The following RAB11FIP2 variants were observed in gnomAD, a reference collection of about 807,000 sequenced individuals.
RAB11FIP2 encodes rab11 family-interacting protein 2.
Under a neutral mutation model 40.9 loss-of-function variants are expected in RAB11FIP2, and 16 were observed. The ratio of observed to expected loss-of-function variants is 0.39; its 90% CI spans 0.26 to 0.59. RAB11FIP2 has a LOEUF of 0.59. Among genes scored for constraint, RAB11FIP2 ranks in the 20% least tolerant of loss-of-function variants. RAB11FIP2 has a pLI of 0.53. For synonymous variants in RAB11FIP2, 228 were observed against 213.7 expected, an observed-to-expected ratio of 1.07 and a Z score of -0.58; for missense variants, 532 against 606.2, an observed-to-expected ratio of 0.88 and a Z score of 1.28.
In RAB11FIP2 at chr10:118,039,089, G is replaced by A. The variant is rs749808592; in HGVS notation, c.1148C>T (p.Pro383Leu). ...DKLNNGGSDS[P>L]CDLKSPNAFS... ...TGCATTAGGTGATTTCAAGTCACAAGGGCTATCAGATCCCCCATTGTTAAG... is the reference window on the plus strand; with the variant it reads ...TGCATTAGGTGATTTCAAGTCACAAAGGCTATCAGATCCCCCATTGTTAAG... The change falls in exon 3 of 5, where the codon CCT becomes CTT. Residue 383 changes from proline to leucine, a missense_variant. Coordinates refer to ENST00000355624, the MANE Select transcript of RAB11FIP2 (RefSeq NM_014904.3). 1 of 1,613,606 alleles carries A rather than the reference G, an allele frequency of 6.2e-7. No homozygotes were observed. Among genetic ancestry groups the A allele is most frequent in the South Asian group, 1.1e-5 (1 of 91,050 alleles).
At chr10:118,036,505 C>T (rs868258033) in intron 3 of RAB11FIP2, among the ~76,000 whole-genome samples, 4 of 152,230 alleles carry the variant, frequency 2.6e-5, no homozygotes, top group Middle Eastern at 6.8e-3. Flanking sequence ...TGGCAATATC[C>T]TCCCAAATTC....
In RAB11FIP2 at chr10:118,046,349, C is replaced by A; in HGVS notation, c.-186G>T. 1.7e-6 allele frequency: 1 copy of A among 593,664 alleles called. No individual in the cohort carries two copies. Among genetic ancestry groups the A allele is most frequent in the South Asian group, 2.1e-5 (1 of 46,848 alleles). The allele number at this position is 593,664 out of a possible 1,614,324, so 36.8% of individuals were successfully genotyped here. On this transcript the variant is annotated 5_prime_UTR_variant, in exon 1 of 5. It introduces an in-frame stop codon into an upstream open reading frame of the 5' UTR. Coordinates refer to ENST00000355624, the MANE Select transcript of RAB11FIP2 (RefSeq NM_014904.3). ...GGGGCAGCCCAGGGGCACGGCCGCT[C>A]CGGGGGTCCCCTTTCGTCTGGAGAA...
At position 118,009,148 on chromosome 10, in the gene RAB11FIP2, G is replaced by T. The variant is rs1198351313; in HGVS notation, c.1389C>A (p.His463Gln). 1 of 1,613,432 alleles carries T rather than the reference G, an allele frequency of 6.2e-7. No individual in the cohort carries two copies. The highest frequency in any genetic ancestry group is 2.2e-5 in the East Asian group (1 of 44,876). ...YEEVLQELVK[H>Q]KELLRRKDTH... ...TGTCTTTCCTCCTAAGGAGTTCTTTGTGTTTCACCAGCTCCTGTAGAACCT... is the reference window on the plus strand; with the variant it reads ...TGTCTTTCCTCCTAAGGAGTTCTTTTTGTTTCACCAGCTCCTGTAGAACCT... Residue 463 changes from histidine (H) to glutamine (Q), a missense_variant, in exon 5 of 5, where the codon CAC becomes CAA. By Grantham distance (24) the His-to-Gln change is conservative (BLOSUM62 0). Coordinates refer to ENST00000355624, the MANE Select transcript of RAB11FIP2 (RefSeq NM_014904.3).
chr10:118,036,865 T>C (rs1222103126), intron 3 of RAB11FIP2, among the ~76,000 whole-genome samples: 1 of 152,096 alleles, frequency 6.6e-6, no homozygotes, highest in Non-Finnish European at 1.5e-5. Context: ...AGCCTGGATG[T>C]GTCAAAATGC....
At position 118,032,409 on chromosome 10, in the gene RAB11FIP2, G is replaced by A. The variant is rs114412741; in HGVS notation, c.1265+6563C>T. 5.8e-3 allele frequency among the ~76,000 whole-genome samples: 861 copies of A among 149,074 alleles called. 8 individuals carry two copies. The highest frequency in any genetic ancestry group is 0.02 in the African/African-American group (822 of 41,254). ...GTGTGTGTGTGCATTAGGTGCGTGCGTGCGTGTGTGTGTGTTTAACCTATT... is the reference window on the plus strand; with the variant it reads ...GTGTGTGTGTGCATTAGGTGCGTGCATGCGTGTGTGTGTGTTTAACCTATT... On this transcript the variant is annotated intron_variant, in intron 3 of 4. Transcript: ENST00000355624.
rs1405407657 is a variant in RAB11FIP2 at position 118,005,233 on chromosome 10, G to GTC, written c.*3764_*3765insGA. 2 of 152,572 alleles carry GTC rather than the reference G, an allele frequency of 1.3e-5. No individual in the cohort carries two copies. The highest frequency in any genetic ancestry group is 2.9e-5 in the Non-Finnish European group (2 of 68,036). The allele number at this position is 152,572 out of a possible 1,614,324, so 9.5% of individuals were successfully genotyped here. On this transcript the variant is annotated 3_prime_UTR_variant, in exon 5 of 5. Transcript: ENST00000355624. The stretch of plus-strand genomic sequence containing the variant: ...GCTTCGAAGACTAACAGGCCCACAT[G>GTC]TATCATGTATTAGACTTCAACTCCA...
intron 3 of RAB11FIP2, among the ~76,000 whole-genome samples, chr10:118,022,827 C>T (rs1244640347): frequency 2.0e-5 from 3 of 152,074 alleles, no homozygotes; most frequent in African/African-American, 7.2e-5. Flanking sequence ...CATTAATAAC[C>T]AGTACTTAAT....
In RAB11FIP2 at chr10:118,006,668, A is replaced by G. The variant is rs1303758569; in HGVS notation, c.*2330T>C. The G allele has an allele frequency of 1.3e-5, 2 of 152,116 alleles. No individual in the cohort carries two copies. Among genetic ancestry groups the G allele is most frequent in the Admixed American group, 6.5e-5 (1 of 15,268 alleles). The allele number at this position is 152,116 out of a possible 1,614,324, so 9.4% of individuals were successfully genotyped here. A position where few individuals can be genotyped will look rare whatever the true frequency, so the allele number is the denominator to read the frequency against. On this transcript the variant is annotated 3_prime_UTR_variant, in exon 5 of 5. Coordinates refer to ENST00000355624, the MANE Select transcript of RAB11FIP2 (RefSeq NM_014904.3). Reference sequence around the variant, plus strand: ...TTTTGACTGATTATGAAAATATGCAATAAGTTTACTCTAGGTAATGAGTGA... The same window carrying G: ...TTTTGACTGATTATGAAAATATGCAGTAAGTTTACTCTAGGTAATGAGTGA...
chr10:118,042,326 A>G (rs891911600), intron 1 of RAB11FIP2, among the ~76,000 whole-genome samples: 1 of 152,162 alleles, frequency 6.6e-6, no homozygotes, highest in Admixed American at 6.5e-5. Flanking sequence ...ACTTTTAGAG[A>G]TAAGACCAAT....
chr10:118,033,382 G>A (rs143822579), intron 3 of RAB11FIP2, among the ~76,000 whole-genome samples: 1 of 152,196 alleles, frequency 6.6e-6, no homozygotes, highest in East Asian at 1.9e-4. Flanking sequence ...GTGCTGTGGT[G>A]CACCCAAGAA....
intron 3 of RAB11FIP2, 148 bp from the exon 4 acceptor site, chr10:118,015,258 A>AAATC: frequency 1.8e-6 from 1 of 543,522 alleles, no homozygotes. Context: ...AAGTAGAAAA[A>AAATC]AATCCAGTAT....
At chr10:118,041,433 T>C (rs767203215) in intron 1 of RAB11FIP2, among the ~76,000 whole-genome samples, 2 of 152,174 alleles carry the variant, frequency 1.3e-5, no homozygotes, top group Admixed American at 6.5e-5. Context: ...TTTGGTTTTA[T>C]AGTATTTTTA....
Position 118,046,405 on chromosome 10 carries a change from C to A in RAB11FIP2, c.-242G>T. ...GAGGCCCACCATCACCTGGCCGCGC[C>A]GTGCAGGCCTCTGCGCGGACCCCCG... On this transcript the variant is annotated 5_prime_UTR_variant, in exon 1 of 5. Coordinates refer to ENST00000355624, the MANE Select transcript of RAB11FIP2 (RefSeq NM_014904.3). The A allele has an allele frequency of 1.9e-6, 1 of 518,622 alleles. No homozygotes were observed. Among genetic ancestry groups the A allele is most frequent in the East Asian group, 3.1e-5 (1 of 31,812 alleles). The allele number at this position is 518,622 out of a possible 1,614,324, so 32.1% of individuals were successfully genotyped here.
chr10:118,020,211 T>C (rs984822425), intron 3 of RAB11FIP2, among the ~76,000 whole-genome samples: 3 of 152,136 alleles, frequency 2.0e-5, no homozygotes, highest in African/African-American at 4.8e-5. Context: ...CCAAACTCTT[T>C]AGTCATAAAC....
chr10:118,040,675 C>T, intron 1 of RAB11FIP2, 110 bp from the exon 2 acceptor site: 1 of 734,520 alleles, frequency 1.4e-6, no homozygotes, highest in Non-Finnish European at 2.2e-6. Flanking sequence ...TCAAGGCAAC[C>T]TAAGCTCTGA....
At chr10:118,029,038 G>GA (rs1321697243) in intron 3 of RAB11FIP2, among the ~76,000 whole-genome samples, 1 of 148,654 alleles carries the variant, frequency 6.7e-6, no homozygotes, top group Non-Finnish European at 1.5e-5. Context: ...AAAACAAAAA[G>GA]AAAAAATTCA....
At chr10:118,015,926 C>T (rs961431459) in intron 3 of RAB11FIP2, among the ~76,000 whole-genome samples, 4 of 152,140 alleles carry the variant, frequency 2.6e-5, no homozygotes, top group Non-Finnish European at 4.4e-5. Flanking sequence ...CTTTTTATTC[C>T]ATGCACAAAA....
intron 3 of RAB11FIP2, among the ~76,000 whole-genome samples, chr10:118,035,667 A>G (rs1175001575): frequency 6.6e-6 from 1 of 152,150 alleles, no homozygotes; most frequent in Non-Finnish European, 1.5e-5. Context: ...ACTAAGGGCA[A>G]AAAGAGGAAT....
intron 4 of RAB11FIP2, among the ~76,000 whole-genome samples, chr10:118,013,013 A>T (rs1056402300): frequency 6.6e-6 from 1 of 152,244 alleles, no homozygotes; most frequent in Non-Finnish European, 1.5e-5. Flanking sequence ...ACAGTTTTGC[A>T]TAAGATTTTG....
Sources: gnomAD v4.1 joint callset for allele counts (sites outside exome capture counted in the v4.1 genomes callset) on GRCh38, gnomAD v4.1.1 for gene constraint, MANE v1.5 for transcripts, NCBI Gene and HGNC (gene_info 2026-07-23, HGNC 2026-07-21) for gene names.